STAMBP: variants seen among roughly 807,000 people sequenced by gnomAD.
The protein encoded by STAMBP is STAM binding protein.
STAMBP carries 31 observed loss-of-function variants against 50.7 expected under a neutral mutation model. The observed-to-expected ratio is 0.61, with a 90% confidence interval of 0.46 to 0.83. The LOEUF (loss-of-function observed/expected upper bound fraction) is 0.83, where lower values mean the gene tolerates loss of function less well. Ranked by LOEUF, STAMBP falls within the 40% of genes least tolerant of loss-of-function variation. The pLI, the probability that STAMBP is intolerant of heterozygous loss-of-function variation, is 0.00. For missense variants in STAMBP, 472 were observed against 518.9 expected (o/e 0.91, Z 0.88); for synonymous variants, 211 against 192.4 (o/e 1.10, Z -0.80).
chr2:73,838,061 C>T (rs1450257973), intron 2 of STAMBP, among the ~76,000 whole-genome samples: 2 of 152,152 alleles, frequency 1.3e-5, no homozygotes, highest in Non-Finnish European at 2.9e-5. Context: ...GGGTGATCTT[C>T]ATAAGCAATT....
At position 73,829,185 on chromosome 2, in the gene STAMBP, G is replaced by T. The variant is rs939809640; in HGVS notation, c.-338G>T. ...TGGCGCCTGACCAGCCAGGCCCAGC[G>T]GTTCCCCGCCTACTGCATTTGAAAG... is the stretch of plus-strand genomic sequence containing the variant. On this transcript the variant is annotated 5_prime_UTR_variant, in exon 1 of 10. Transcript: ENST00000394070. 1 of 152,268 alleles carries T rather than the reference G, an allele frequency of 6.6e-6. No homozygotes were observed. Among genetic ancestry groups the T allele is most frequent in the African/African-American group, 2.4e-5 (1 of 41,450 alleles). 9.4% of individuals were successfully genotyped at this position (152,268 alleles called of 1,614,324 possible).
intron 7 of STAMBP, among the ~76,000 whole-genome samples, chr2:73,851,487 C>T (rs1676795900): frequency 1.3e-5 from 2 of 152,130 alleles, no homozygotes; most frequent in Non-Finnish European, 2.9e-5. Context: ...AGGGACCATG[C>T]CTGATAGGGT....
At chr2:73,870,378 G>GACCTAAAGAAGAGAGAAGTGCTGGTCTT (rs1679154077), downstream of STAMBP, 2 of 152,256 alleles carry the variant, frequency 1.3e-5, no homozygotes, top group Middle Eastern at 3.2e-3. Flanking sequence ...AGAAAGAACT[G>GACCTAAAGAAGAGAGAAGTGCTGGTCTT]ACCTAAAGAA....
intron 2 of STAMBP, among the ~76,000 whole-genome samples, chr2:73,841,051 T>C (rs895269365): frequency 3.3e-5 from 5 of 152,250 alleles, no homozygotes; most frequent in Admixed American, 3.3e-4. Flanking sequence ...TCAGCATTAT[T>C]GCATATATTC....
At chr2:73,834,232 AAAAAATATATATATATATATATATATAT>A (rs1353448578) in intron 2 of STAMBP, among the ~76,000 whole-genome samples, 8 of 15,330 alleles carry the variant, frequency 5.2e-4, no homozygotes, top group African/African-American at 2.5e-3. Flanking sequence ...AAAAAAAAAA[AAAAAATATATATATATATATATATATAT>A]ATATATATAT....
intron 7 of STAMBP, chr2:73,855,493 C>T (rs1481914971): frequency 2.4e-6 from 1 of 409,486 alleles, no homozygotes; most frequent in Non-Finnish European, 4.9e-6. Flanking sequence ...CTGCTTATGT[C>T]TCTTTATTAT....
intron 2 of STAMBP, 32 bp downstream of exon 2, chr2:73,831,091 T>C: frequency 1.3e-6 from 2 of 1,567,856 alleles, no homozygotes; most frequent in Non-Finnish European, 1.8e-6. Context: ...TTTTCCTTTC[T>C]GGTGACTGGT....
intron 3 of STAMBP, 91 bp from the exon 4 acceptor site, chr2:73,845,076 A>G: frequency 1.3e-6 from 2 of 1,574,852 alleles, no homozygotes; most frequent in African/African-American, 1.4e-5. Flanking sequence ...ATTTTGGGAA[A>G]TGTTGCAGTC....
intron 7 of STAMBP, among the ~76,000 whole-genome samples, chr2:73,851,908 G>A (rs929622420): frequency 2.6e-5 from 4 of 152,126 alleles, no homozygotes; most frequent in Non-Finnish European, 5.9e-5. Context: ...CCAAAGTGCT[G>A]GGATTACAGG....
chr2:73,845,051 G>C (rs1273633919), intron 3 of STAMBP, 116 bp from the exon 4 acceptor site: 15 of 1,543,626 alleles, frequency 9.7e-6, no homozygotes, highest in Admixed American at 2.0e-5. Flanking sequence ...GGTACAGTAG[G>C]GGGTATTTTA....
chr2:73,843,041 A>G (rs116756394), intron 2 of STAMBP, among the ~76,000 whole-genome samples: 201 of 152,292 alleles, frequency 1.3e-3, no homozygotes, highest in African/African-American at 4.7e-3. Context: ...TGGGGCTAAG[A>G]TGAGAGTTCT....
intron 1 of STAMBP, among the ~76,000 whole-genome samples, 200 bp downstream of exon 1, chr2:73,829,710 A>T (rs1487911245): frequency 6.6e-6 from 1 of 152,012 alleles, no homozygotes; most frequent in Non-Finnish European, 1.5e-5. Context: ...TTTAGAGGGG[A>T]AGGTTTGTGG....
downstream of STAMBP, chr2:73,867,229 T>C (rs150747085): frequency 6.6e-6 from 1 of 152,338 alleles, no homozygotes; most frequent in African/African-American, 2.4e-5. Flanking sequence ...ATTTTAAATA[T>C]TGATGTTTAA....
At chr2:73,857,218 C>T (rs993933165) in intron 7 of STAMBP, among the ~76,000 whole-genome samples, 1 of 152,176 alleles carries the variant, frequency 6.6e-6, no homozygotes, top group African/African-American at 2.4e-5. Context: ...CCATACCCTA[C>T]CTGTTTAATG....
At chr2:73,832,104 T>TAC (rs1454174055) in intron 2 of STAMBP, among the ~76,000 whole-genome samples, 5 of 128,232 alleles carry the variant, frequency 3.9e-5, no homozygotes, top group African/African-American at 1.7e-4. Context: ...TATATATATA[T>TAC]ATATACACAT....
downstream of STAMBP, among the ~76,000 whole-genome samples, chr2:73,871,685 G>A (rs983475925): frequency 1.3e-5 from 2 of 152,106 alleles, no homozygotes; most frequent in African/African-American, 4.8e-5. Flanking sequence ...TATGCTTAAT[G>A]TTTGTTCATT....
chr2:73,835,353 C>CA (rs71406834), intron 2 of STAMBP, among the ~76,000 whole-genome samples: 29,423 of 87,050 alleles, frequency 0.34, 3,646 homozygotes, highest in Middle Eastern at 0.44. Flanking sequence ...GACTCGGTCT[C>CA]AAAAAAAAAA....
At chr2:73,831,700 C>T (rs1558553480) in intron 2 of STAMBP, among the ~76,000 whole-genome samples, 1 of 152,132 alleles carries the variant, frequency 6.6e-6, no homozygotes, top group Non-Finnish European at 1.5e-5. Flanking sequence ...TCTTATTTAT[C>T]ATTTCTAATC....
intron 2 of STAMBP, among the ~76,000 whole-genome samples, chr2:73,833,384 A>G (rs1674199771): frequency 6.6e-6 from 1 of 152,134 alleles, no homozygotes; most frequent in African/African-American, 2.4e-5. Flanking sequence ...ATGTGGCCTC[A>G]ATGTTGTTAA....
Sources: allele counts gnomAD v4.1 joint callset (sites outside exome capture counted in the v4.1 genomes callset), GRCh38; gene constraint gnomAD v4.1.1; transcripts MANE v1.5; gene names NCBI Gene and HGNC (gene_info 2026-07-23, HGNC 2026-07-21).